GABRB1: variants seen among roughly 807,000 people sequenced by gnomAD.
GABRB1 encodes the protein gamma-aminobutyric acid receptor subunit beta-1.
A neutral mutation model predicts 51.6 loss-of-function variants in GABRB1; 17 were observed. That is an observed-to-expected ratio of 0.33 (90% CI 0.23 to 0.49). The LOEUF (loss-of-function observed/expected upper bound fraction) is 0.49. GABRB1 is among the 20% of genes least tolerant of loss of function. The pLI, the probability that GABRB1 is intolerant of heterozygous loss-of-function variation, is 0.99. For synonymous variants in GABRB1, 247 were observed against 218.9 expected (o/e 1.13, Z -1.14); for missense variants, 410 against 600.6 (o/e 0.68, Z 3.32).
chr4:47,248,924 T>A (rs377489953), intron 4 of GABRB1, among the ~76,000 whole-genome samples: 3 of 152,104 alleles, frequency 2.0e-5, no homozygotes, highest in Non-Finnish European at 4.4e-5. Flanking sequence ...TTGCTAATGG[T>A]CTATCAATTT....
chr4:47,396,645 G>C (rs1349313726), intron 5 of GABRB1, among the ~76,000 whole-genome samples: 2 of 152,030 alleles, frequency 1.3e-5, no homozygotes, highest in Non-Finnish European at 2.9e-5. Context: ...ATGAAAGAGT[G>C]GTCCAAACTA....
intron 5 of GABRB1, among the ~76,000 whole-genome samples, chr4:47,374,775 T>A (rs745903053): frequency 6.6e-6 from 1 of 152,016 alleles, no homozygotes; most frequent in Non-Finnish European, 1.5e-5. Context: ...CCCCACAGAG[T>A]GTATGCAAGA....
intron 3 of GABRB1, among the ~76,000 whole-genome samples, chr4:47,059,696 G>C (rs1726767249): frequency 6.6e-6 from 1 of 152,120 alleles, no homozygotes; most frequent in Admixed American, 6.5e-5. Flanking sequence ...TGCCTCTGGT[G>C]GTCAAAGATG....
At chr4:47,283,130 A>C (rs575621400) in intron 4 of GABRB1, among the ~76,000 whole-genome samples, 1 of 152,282 alleles carries the variant, frequency 6.6e-6, no homozygotes, top group South Asian at 2.1e-4. Context: ...TTTAGAGGCA[A>C]AAGTGGAGAA....
rs11731834 is a variant in GABRB1 at position 47,426,445 on chromosome 4, A to C, written c.*427A>C. 0.016 allele frequency: 2,462 copies of C among 150,986 alleles called. 28 individuals carry two copies. The highest frequency in any genetic ancestry group is 0.038 in the Middle Eastern group (11 of 290). The allele number at this position is 150,986 out of a possible 1,614,324, so 9.4% of individuals were successfully genotyped here. ...TATGCTGCCAAAAAAAAAAAAAAAA[A>C]AACATAAAAAAAAACACACAATTTC... On this transcript the variant is annotated 3_prime_UTR_variant, in exon 9 of 9. Transcript: ENST00000295454.
intron 5 of GABRB1, among the ~76,000 whole-genome samples, chr4:47,398,945 C>G (rs1329649368): frequency 6.6e-6 from 1 of 152,200 alleles, no homozygotes; most frequent in Non-Finnish European, 1.5e-5. Context: ...GGCCCGCCAC[C>G]ACGTCCGGCT....
intron 5 of GABRB1, among the ~76,000 whole-genome samples, chr4:47,328,295 G>A (rs1411364455): frequency 1.3e-5 from 2 of 152,062 alleles, no homozygotes; most frequent in African/African-American, 2.4e-5. Flanking sequence ...TTCTTTTGCT[G>A]TGCAGAAGCT....
chr4:47,295,175 A>T (rs1349869248), intron 4 of GABRB1, among the ~76,000 whole-genome samples: 2 of 152,162 alleles, frequency 1.3e-5, no homozygotes, highest in African/African-American at 4.8e-5. Flanking sequence ...GAGCAGAAAA[A>T]CTGGAAACTC....
At chr4:47,257,721 C>T (rs2109872792) in intron 4 of GABRB1, among the ~76,000 whole-genome samples, 2 of 151,674 alleles carry the variant, frequency 1.3e-5, no homozygotes, top group South Asian at 4.2e-4. Flanking sequence ...GTGAAAAATC[C>T]ATTCTTTGGC....
At chr4:47,182,487 T>C (rs1718993462) in intron 4 of GABRB1, among the ~76,000 whole-genome samples, 1 of 152,018 alleles carries the variant, frequency 6.6e-6, no homozygotes, top group East Asian at 1.9e-4. Context: ...TTTTGCTTTT[T>C]ATGTGCATAG....
chr4:47,371,651 C>T (rs187543110), intron 5 of GABRB1, among the ~76,000 whole-genome samples: 46 of 152,218 alleles, frequency 3.0e-4, no homozygotes, highest in Middle Eastern at 3.4e-3. Context: ...AAGATGGTAT[C>T]TCGTTGTGGT....
At chr4:47,324,639 A>T (rs982970896) in intron 5 of GABRB1, among the ~76,000 whole-genome samples, 1 of 152,094 alleles carries the variant, frequency 6.6e-6, no homozygotes, top group Non-Finnish European at 1.5e-5. Context: ...GTCACAAAGG[A>T]CCTCTTTACA....
rs186727783 is a variant in GABRB1, at chr4:47,080,444, T to C, written c.240+47960T>C. Among the ~76,000 whole-genome samples, 975 of 152,280 alleles carry C rather than the reference T, an allele frequency of 6.4e-3. 10 individuals carry two copies. Among genetic ancestry groups the C allele is most frequent in the African/African-American group, 0.022 (920 of 41,562 alleles). ...GTTTTTAATGTAGGTGTTAGGACAGTGAGAGCAAAGAGTAATTATGAAGTA... is the reference window on the plus strand; with the variant it reads ...GTTTTTAATGTAGGTGTTAGGACAGCGAGAGCAAAGAGTAATTATGAAGTA... On this transcript the variant is annotated intron_variant, in intron 3 of 8. Coordinates refer to ENST00000295454, the MANE Select transcript of GABRB1 (RefSeq NM_000812.4).
intron 5 of GABRB1, among the ~76,000 whole-genome samples, chr4:47,371,705 T>C (rs893857926): frequency 6.6e-6 from 1 of 152,234 alleles, no homozygotes; most frequent in Non-Finnish European, 1.5e-5. Context: ...TGAGCTTTTT[T>C]TCATTTGTTT....
intron 1 of GABRB1, among the ~76,000 whole-genome samples, chr4:47,011,196 G>A (rs1253518721): frequency 6.6e-6 from 1 of 151,984 alleles, no homozygotes; most frequent in African/African-American, 2.4e-5. Context: ...AAGGTGGGAG[G>A]GCCCAGGGAC....
At chr4:47,261,885 G>A (rs931314975) in intron 4 of GABRB1, among the ~76,000 whole-genome samples, 23 of 152,118 alleles carry the variant, frequency 1.5e-4, no homozygotes, top group Non-Finnish European at 2.6e-4. Context: ...CAGAAATAAC[G>A]CCGCATATCT....
intron 3 of GABRB1, among the ~76,000 whole-genome samples, chr4:47,039,949 AC>A (rs1725764083): frequency 6.6e-6 from 1 of 152,192 alleles, no homozygotes; most frequent in Admixed American, 6.6e-5. Flanking sequence ...TTGTATATGC[AC>A]TGACAATTTC....
In GABRB1 at chr4:47,279,351, G is replaced by T. The variant is rs956822723; in HGVS notation, c.462-40776G>T. 3.3e-5 allele frequency among the ~76,000 whole-genome samples: 5 copies of T among 152,058 alleles called. No homozygotes were observed. In the East Asian group the frequency reaches 9.6e-4, roughly 29 times the overall value. On this transcript the variant is annotated intron_variant, in intron 4 of 8. Coordinates refer to ENST00000295454, the MANE Select transcript of GABRB1 (RefSeq NM_000812.4). ...GGTGGTGACAAGCATTTTTACAAGC[G>T]AATAGAATAAAATAAGACTGAATAG...
chr4:47,165,595 C>G (rs1199227166), intron 4 of GABRB1, among the ~76,000 whole-genome samples: 2 of 152,086 alleles, frequency 1.3e-5, no homozygotes, highest in African/African-American at 2.4e-5. Flanking sequence ...TTAAATTATT[C>G]TTGTTCTTCT....
Sources: allele counts gnomAD v4.1 joint callset (sites outside exome capture counted in the v4.1 genomes callset), GRCh38; gene constraint gnomAD v4.1.1; transcripts MANE v1.5; gene names NCBI Gene and HGNC (gene_info 2026-07-23, HGNC 2026-07-21).